The following ARHGAP24 variants were observed in gnomAD, a reference collection of about 807,000 sequenced individuals.
ARHGAP24 encodes rho GTPase-activating protein 24.
ARHGAP24 carries 50 observed loss-of-function variants against 76.4 expected under a neutral mutation model. The observed-to-expected ratio is 0.65, with a 90% CI of 0.52 to 0.83. The LOEUF (loss-of-function observed/expected upper bound fraction) is 0.83, where lower values mean the gene tolerates loss of function less well. ARHGAP24 is among the 40% of genes least tolerant of loss of function. ARHGAP24 has a pLI of 0.00. For synonymous variants in ARHGAP24, 345 were observed against 323.3 expected (o/e 1.07, Z -0.72); for missense variants, 930 against 914.2 (o/e 1.02, Z -0.22).
intron 2 of ARHGAP24, among the ~76,000 whole-genome samples, chr4:85,628,276 T>C (rs1270425557): frequency 6.6e-6 from 1 of 152,224 alleles, no homozygotes; most frequent in Non-Finnish European, 1.5e-5. Context: ...GTTTAGTTTT[T>C]CTGTATCAGA....
chr4:85,784,441 G>A (rs1727712505), intron 3 of ARHGAP24, among the ~76,000 whole-genome samples: 1 of 151,916 alleles, frequency 6.6e-6, no homozygotes, highest in African/African-American at 2.4e-5. Context: ...TCATCTTAAA[G>A]CTCAATGTGG....
At chr4:85,547,865 A>G (rs561679964) in intron 1 of ARHGAP24, among the ~76,000 whole-genome samples, 28 of 152,180 alleles carry the variant, frequency 1.8e-4, no homozygotes, top group Non-Finnish European at 3.2e-4. Context: ...TTTTCTGTCA[A>G]ACTTCTACCT....
At chr4:85,624,941 T>A (rs78517766) in intron 2 of ARHGAP24, among the ~76,000 whole-genome samples, 1 of 152,074 alleles carries the variant, frequency 6.6e-6, no homozygotes, top group Non-Finnish European at 1.5e-5. Flanking sequence ...TTTTTTATTG[T>A]GTCTATTTGA....
intron 2 of ARHGAP24, among the ~76,000 whole-genome samples, chr4:85,695,757 A>T (rs1247523582): frequency 6.6e-6 from 1 of 152,226 alleles, no homozygotes; most frequent in Admixed American, 6.5e-5. Flanking sequence ...GAGTAAATTA[A>T]TTTAATTTCC....
chr4:85,850,002 G>A (rs1347293887), intron 3 of ARHGAP24, among the ~76,000 whole-genome samples: 1 of 152,062 alleles, frequency 6.6e-6, no homozygotes, highest in Non-Finnish European at 1.5e-5. Context: ...TCTGTTGATT[G>A]GAATAGTTTC....
At chr4:85,555,188 T>C (rs1726308044) in intron 1 of ARHGAP24, among the ~76,000 whole-genome samples, 1 of 152,218 alleles carries the variant, frequency 6.6e-6, no homozygotes, top group Admixed American at 6.5e-5. Flanking sequence ...GTTGAGGAAA[T>C]CAGACACTCT....
rs557356410 is a variant in ARHGAP24, at chr4:85,666,471, G to A, written c.181-55414G>A. On this transcript the variant is annotated intron_variant, in intron 2 of 9. Coordinates refer to ENST00000395184, the MANE Select transcript of ARHGAP24 (RefSeq NM_001025616.3). The stretch of plus-strand genomic sequence containing the variant: ...CCTGTAGCTCAGAGTAATTTTGATC[G>A]TCTGAAGCCTTCTTCTCTCAACTCG... 4.6e-5 allele frequency among the ~76,000 whole-genome samples: 7 copies of A among 152,148 alleles called. 1 individual carries two copies. Among genetic ancestry groups the A allele is most frequent in the South Asian group, 2.1e-4 (1 of 4,822 alleles).
chr4:85,761,144 A>G (rs1257779438), intron 3 of ARHGAP24, among the ~76,000 whole-genome samples: 1 of 152,186 alleles, frequency 6.6e-6, no homozygotes, highest in South Asian at 2.1e-4. Flanking sequence ...CATCAGCCAC[A>G]ATTACCTCCC....
intron 3 of ARHGAP24, among the ~76,000 whole-genome samples, chr4:85,727,908 C>A (rs1399507458): frequency 6.8e-6 from 1 of 146,422 alleles, no homozygotes; most frequent in African/African-American, 2.5e-5. Context: ...GAGGTGAACA[C>A]AAAAGACAAG....
intron 2 of ARHGAP24, among the ~76,000 whole-genome samples, chr4:85,611,323 T>C (rs1720375714): frequency 6.6e-6 from 1 of 152,212 alleles, no homozygotes; most frequent in African/African-American, 2.4e-5. Context: ...ATAAATAGAC[T>C]AACCTAAAGT....
intron 3 of ARHGAP24, among the ~76,000 whole-genome samples, chr4:85,844,586 G>A (rs985479479): frequency 5.3e-5 from 8 of 152,196 alleles, no homozygotes; most frequent in African/African-American, 1.4e-4. Context: ...AAAAATGATC[G>A]AGATTTGTAT....
intron 3 of ARHGAP24, among the ~76,000 whole-genome samples, chr4:85,835,802 C>A (rs541559361): frequency 3.3e-5 from 5 of 152,120 alleles, no homozygotes; most frequent in Admixed American, 3.3e-4. Context: ...TCTCCTGCCT[C>A]AGCCTCTCGA....
chr4:85,907,770 A>G (rs1295784010), intron 3 of ARHGAP24, among the ~76,000 whole-genome samples: 4 of 152,138 alleles, frequency 2.6e-5, no homozygotes, highest in Non-Finnish European at 5.9e-5. Context: ...ATGGCTCTTA[A>G]TTAGTTTGGT....
At chr4:85,645,499 A>G (rs1721686611) in intron 2 of ARHGAP24, among the ~76,000 whole-genome samples, 1 of 152,178 alleles carries the variant, frequency 6.6e-6, no homozygotes, top group South Asian at 2.1e-4. Flanking sequence ...AAATATGAAG[A>G]GATATCTTTG....
chr4:85,570,037 G>GT lies in ARHGAP24; in HGVS notation c.-20-477dup, dbSNP rs796427209. On this transcript the variant is annotated intron_variant, in intron 1 of 9. Coordinates refer to ENST00000395184, the MANE Select transcript of ARHGAP24 (RefSeq NM_001025616.3). ...TTTCTCATTTTTCAGTTCTACTTAG[G>GT]TTTTTTTTAGAAATTCCTTCTTCAC... 9.9e-4 allele frequency among the ~76,000 whole-genome samples: 151 copies of GT among 151,952 alleles called. No homozygotes were observed. In the Middle Eastern group the frequency reaches 0.01, roughly 10 times the overall value.
At chr4:85,524,448 A>G (rs1724905755) in intron 1 of ARHGAP24, among the ~76,000 whole-genome samples, 2 of 152,120 alleles carry the variant, frequency 1.3e-5, no homozygotes. Context: ...AACTATAGAG[A>G]TAATAATAAT....
intron 3 of ARHGAP24, among the ~76,000 whole-genome samples, chr4:85,740,152 T>C (rs1725760014): frequency 6.6e-6 from 1 of 152,170 alleles, no homozygotes; most frequent in Non-Finnish European, 1.5e-5. Flanking sequence ...AAATGCTTTC[T>C]TCTCAGAGGA....
rs116868411 is a variant in ARHGAP24 at position 85,729,874 on chromosome 4, G to A, written c.268+7902G>A. 7.2e-4 allele frequency among the ~76,000 whole-genome samples: 110 copies of A among 152,144 alleles called. No individual in the cohort carries two copies. The East Asian group carries it at 0.016, about 22-fold the overall frequency. On this transcript the variant is annotated intron_variant, in intron 3 of 9. Coordinates refer to ENST00000395184, the MANE Select transcript of ARHGAP24 (RefSeq NM_001025616.3). ...ATAAACAGTGAACCAGATTTGGCCC[G>A]TGGGCATAGTTTGCTGACCCCTGGG... is the stretch of plus-strand genomic sequence containing the variant.
At chr4:85,869,616 G>A (rs1732411718) in intron 3 of ARHGAP24, among the ~76,000 whole-genome samples, 1 of 152,054 alleles carries the variant, frequency 6.6e-6, no homozygotes, top group African/African-American at 2.4e-5. Flanking sequence ...AATAAGGGAG[G>A]ACAATTTTTT....
Sources: gnomAD v4.1 joint callset for allele counts (sites outside exome capture counted in the v4.1 genomes callset) on GRCh38, gnomAD v4.1.1 for gene constraint, MANE v1.5 for transcripts, NCBI Gene and HGNC (gene_info 2026-07-23, HGNC 2026-07-21) for gene names.